The following ATR variants were observed in gnomAD, a reference collection of about 807,000 sequenced individuals.
ATR encodes the protein serine/threonine-protein kinase ATR.
ATR carries 142 observed loss-of-function variants against 305.3 expected under a neutral mutation model. The observed-to-expected ratio is 0.47, with a 90% CI of 0.41 to 0.53. The LOEUF (loss-of-function observed/expected upper bound fraction) is 0.53, where lower values mean the gene tolerates loss of function less well. Ranked by LOEUF, ATR falls within the 20% of genes least tolerant of loss-of-function variation. The pLI, the probability that ATR is intolerant of heterozygous loss-of-function variation, is 0.00. For missense variants in ATR, 2,135 were observed against 3,133.1 expected, an observed-to-expected ratio of 0.68 and a Z score of 7.60; for synonymous variants, 1,050 against 1,068.1, an observed-to-expected ratio of 0.98 and a Z score of 0.33.
At chr3:142,528,553 C>T (rs909818438) in intron 21 of ATR, among the ~76,000 whole-genome samples, 2 of 151,976 alleles carry the variant, frequency 1.3e-5, no homozygotes, top group African/African-American at 4.8e-5. Context: ...ATAATTTTTG[C>T]TTATCCCTTT....
At chr3:142,523,549 GA>G (rs1037774766) in intron 22 of ATR, among the ~76,000 whole-genome samples, 1 of 152,126 alleles carries the variant, frequency 6.6e-6, no homozygotes, top group African/African-American at 2.4e-5. Flanking sequence ...TATAGTCTTA[GA>G]GATTCACAAT....
chr3:142,534,817 A>G (rs2033794040), intron 21 of ATR, among the ~76,000 whole-genome samples: 2 of 152,318 alleles, frequency 1.3e-5, no homozygotes, highest in Admixed American at 1.3e-4. Context: ...AATTATATAC[A>G]TGTTTACTTA....
At chr3:142,521,323 T>C (rs2033139688) in intron 23 of ATR, among the ~76,000 whole-genome samples, 1 of 152,178 alleles carries the variant, frequency 6.6e-6, no homozygotes, top group Non-Finnish European at 1.5e-5. Flanking sequence ...ACCTGTCACC[T>C]GGGAGCTCTG....
rs1037047528 is a variant in ATR, at chr3:142,540,780, T to C, written c.3581+124A>G. 1.2e-5 allele frequency: 15 copies of C among 1,211,572 alleles called. No homozygotes were observed. The African/African-American group carries it at 2.3e-4, about 19-fold the overall frequency. 75.1% of individuals were successfully genotyped at this position (1,211,572 alleles called of 1,614,324 possible). A position where few individuals can be genotyped will look rare whatever the true frequency, so the allele number is the denominator to read the frequency against. ...AAATATGTTCTATTTTAAATACAAA[T>C]AAATAGTCTTTCTACCTTATTTATT... On this transcript the variant is annotated intron_variant, in intron 18 of 46. Coordinates refer to ENST00000350721, the MANE Select transcript of ATR (RefSeq NM_001184.4).
chr3:142,470,726 T>G (rs2071241927), intron 36 of ATR, among the ~76,000 whole-genome samples: 2 of 152,096 alleles, frequency 1.3e-5, no homozygotes, highest in South Asian at 4.2e-4. Context: ...ATTCAGAATC[T>G]TTTATCTCCA....
At chr3:142,577,456 A>T (rs1405767568) in intron 1 of ATR, among the ~76,000 whole-genome samples, 1 of 152,208 alleles carries the variant, frequency 6.6e-6, no homozygotes, top group Non-Finnish European at 1.5e-5. Context: ...AGAGAGGTAG[A>T]GGTTATTTTA....
At chr3:142,508,266 C>T (rs1385115843) in intron 27 of ATR, among the ~76,000 whole-genome samples, 157 bp from the exon 28 acceptor site, 4 of 152,072 alleles carry the variant, frequency 2.6e-5, no homozygotes, top group African/African-American at 9.7e-5. Flanking sequence ...AACAATTGTT[C>T]AGAGAGTCTT....
intron 46 of ATR, chr3:142,451,257 A>G: frequency 8.3e-7 from 1 of 1,202,160 alleles, no homozygotes; most frequent in South Asian, 1.6e-5. Flanking sequence ...CAGCTGTGGG[A>G]CTGGCTAGCT....
intron 36 of ATR, among the ~76,000 whole-genome samples, chr3:142,480,271 G>C (rs957131191): frequency 5.9e-5 from 9 of 152,256 alleles, no homozygotes; most frequent in African/African-American, 1.9e-4. Flanking sequence ...TTTTGGTGTG[G>C]ATGCCCTTTC....
Position 142,572,949 on chromosome 3 carries a change from C to A in ATR, c.60-4795G>T, listed in dbSNP as rs932695291. ...CTATGGAATATTTACCTATTCCCTGCCACTAGACTATAAGCTCCTACAGGT... is the reference window on the plus strand; with the variant it reads ...CTATGGAATATTTACCTATTCCCTGACACTAGACTATAAGCTCCTACAGGT... On this transcript the variant is annotated intron_variant, in intron 1 of 46. Transcript: ENST00000350721. 2.0e-5 allele frequency among the ~76,000 whole-genome samples: 3 copies of A among 152,156 alleles called. No homozygotes were observed. In the South Asian group the frequency reaches 6.2e-4, roughly 32 times the overall value.
At chr3:142,521,716 A>T (rs1418672508) in intron 23 of ATR, among the ~76,000 whole-genome samples, 1 of 152,186 alleles carries the variant, frequency 6.6e-6, no homozygotes, top group Non-Finnish European at 1.5e-5. Flanking sequence ...TAGAGTTAGA[A>T]GTGGAGCCTG....
At chr3:142,538,718 TACAA>T (rs1187621810) in intron 18 of ATR, 93 bp from the exon 19 acceptor site, 1 of 1,468,686 alleles carries the variant, frequency 6.8e-7, no homozygotes, top group Non-Finnish European at 9.4e-7. Flanking sequence ...ACATGATATA[TACAA>T]ACAATAGATT....
At chr3:142,525,763 C>T (rs905747049) in intron 21 of ATR, among the ~76,000 whole-genome samples, 8 of 152,138 alleles carry the variant, frequency 5.3e-5, no homozygotes, top group Admixed American at 2.6e-4. Context: ...GCACTCCTCC[C>T]ATTGCTTTCT....
chr3:142,462,150 T>C (rs2108266582), intron 41 of ATR, 60 bp from the exon 42 acceptor site: 2 of 1,459,850 alleles, frequency 1.4e-6, no homozygotes, highest in East Asian at 2.3e-5. Flanking sequence ...CTAAATGTTA[T>C]ATCAAATATA....
In ATR at chr3:142,495,118, T is replaced by C. The variant is rs111831474; in HGVS notation, c.5898+1243A>G. Among the ~76,000 whole-genome samples, 1,042 of 152,288 alleles carry C rather than the reference T, an allele frequency of 6.8e-3. 13 individuals carry two copies. Among genetic ancestry groups the C allele is most frequent in the African/African-American group, 0.024 (997 of 41,554 alleles). On this transcript the variant is annotated intron_variant, in intron 34 of 46. Coordinates refer to ENST00000350721, the MANE Select transcript of ATR (RefSeq NM_001184.4). The stretch of plus-strand genomic sequence containing the variant: ...TGGAATAAAGTCTTGTTCAGAGAAG[T>C]AGGAAACATGAGAGGAGAAACAGAT...
intron 14 of ATR, 117 bp downstream of exon 14, chr3:142,550,015 C>A (rs1179680279): frequency 1.9e-5 from 25 of 1,322,596 alleles, no homozygotes; most frequent in Non-Finnish European, 2.5e-5. Context: ...GACTCAAATC[C>A]ACTTAAACTT....
chr3:142,449,464 A>C lies in ATR; in HGVS notation c.7900T>G (p.Cys2634Gly). 1 of 1,612,426 alleles carries C rather than the reference A, an allele frequency of 6.2e-7. No homozygotes were observed. The highest frequency in any genetic ancestry group is 8.5e-7 in the Non-Finnish European group (1 of 1,178,422). ...GGAGTCCAACCAAGATACATCTGGC[A>C]TAGTAAGTTTTCATCAGTAGCTTCC... Reference protein sequence around the residue: ...IQEATDENLLCQMYLGWTPYM With the variant: ...IQEATDENLLGQMYLGWTPYM Residue 2634 changes from cysteine to glycine, a missense_variant, in exon 47 of 47, where the codon TGC (cysteine) becomes GGC (glycine). Cys to Gly is a radical substitution (Grantham distance 159). This residue lies in a region of ATR where 462 missense variants were observed against 887.6 expected (regional missense o/e 0.52). Transcript: ENST00000350721.
intron 37 of ATR, among the ~76,000 whole-genome samples, chr3:142,469,774 A>G (rs1185584808): frequency 6.6e-6 from 1 of 152,182 alleles, no homozygotes; most frequent in Non-Finnish European, 1.5e-5. Flanking sequence ...CAAAAACCCA[A>G]GGGACATTAA....
At chr3:142,577,728 T>A (rs1293993174) in intron 1 of ATR, among the ~76,000 whole-genome samples, 3 of 152,234 alleles carry the variant, frequency 2.0e-5, no homozygotes, top group Non-Finnish European at 2.9e-5. Flanking sequence ...TGGGAAGCAG[T>A]TATTCCAAAT....
Sources: allele counts gnomAD v4.1 joint callset (sites outside exome capture counted in the v4.1 genomes callset), GRCh38; gene constraint gnomAD v4.1.1; regional missense constraint gnomAD v4.1.1; transcripts MANE v1.5; gene names NCBI Gene and HGNC (gene_info 2026-07-23, HGNC 2026-07-21).